The following PPARGC1A variants were observed in gnomAD, a reference collection of about 807,000 sequenced individuals.
PPARGC1A encodes the protein PPARG coactivator 1 alpha.
A neutral mutation model predicts 88.7 loss-of-function variants in PPARGC1A; 25 were observed. That is an observed-to-expected ratio of 0.28 (90% CI 0.21 to 0.39). PPARGC1A has a LOEUF of 0.39. PPARGC1A is among the 10% of genes least tolerant of loss of function. The pLI, the probability that PPARGC1A is intolerant of heterozygous loss-of-function variation, is 1.00. For missense variants in PPARGC1A, 880 were observed against 968.7 expected (o/e 0.91, Z 1.22); for synonymous variants, 363 against 355.6 (o/e 1.02, Z -0.24).
chr4:24,417,020 A>T, the PPARGC1A span, among the ~76,000 whole-genome samples: 1 of 136,072 alleles, frequency 7.3e-6, no homozygotes, highest in African/African-American at 2.8e-5. Context: ...ACAGAGCGAG[A>T]TTCCATCTCA....
Position 23,861,448 on chromosome 4 carries a change from A to T in PPARGC1A, c.234+23304T>A, listed in dbSNP as rs75679500. Among the ~76,000 whole-genome samples, 1,349 of 152,280 alleles carry T rather than the reference A, an allele frequency of 8.9e-3. 21 individuals carry two copies. Among genetic ancestry groups the T allele is most frequent in the African/African-American group, 0.031 (1,278 of 41,536 alleles). ...TTAAATGTCATTCATTCATTCCTTCATTCACCAGCTACTGAGTACCTTTTA... is the reference window on the plus strand; with the variant it reads ...TTAAATGTCATTCATTCATTCCTTCTTTCACCAGCTACTGAGTACCTTTTA... On this transcript the variant is annotated intron_variant, in intron 2 of 12. Coordinates refer to ENST00000264867, the MANE Select transcript of PPARGC1A (RefSeq NM_013261.5).
the PPARGC1A span, among the ~76,000 whole-genome samples, chr4:24,081,462 T>A: frequency 6.6e-6 from 1 of 152,124 alleles, no homozygotes; most frequent in East Asian, 1.9e-4. Context: ...CTGCAGCATA[T>A]CCCAGGCTTA....
chr4:24,037,611 C>T, the PPARGC1A span, among the ~76,000 whole-genome samples: 1 of 152,120 alleles, frequency 6.6e-6, no homozygotes, highest in African/African-American at 2.4e-5. Flanking sequence ...CAGGGCATCC[C>T]TTGTTGAATG....
At chr4:24,064,295 G>C in the PPARGC1A span, among the ~76,000 whole-genome samples, 4 of 152,190 alleles carry the variant, frequency 2.6e-5, no homozygotes, top group African/African-American at 9.7e-5. Flanking sequence ...TATAGCAAGT[G>C]GGTGCCTGTA....
At chr4:24,220,020 A>G in the PPARGC1A span, among the ~76,000 whole-genome samples, 2 of 152,232 alleles carry the variant, frequency 1.3e-5, no homozygotes, top group African/African-American at 2.4e-5. Flanking sequence ...GAACTTAAAC[A>G]AATCAGCAAG....
the PPARGC1A span, among the ~76,000 whole-genome samples, chr4:24,446,405 G>T: frequency 7.9e-5 from 12 of 152,104 alleles, no homozygotes; most frequent in South Asian, 2.5e-3. Flanking sequence ...CAAGTCTTTA[G>T]CCTGTTTTTT....
chr4:24,119,375 C>T, the PPARGC1A span, among the ~76,000 whole-genome samples: 1 of 152,090 alleles, frequency 6.6e-6, no homozygotes, highest in Non-Finnish European at 1.5e-5. Context: ...CCTGAAAGAC[C>T]TGGTGTTAGA....
Position 23,801,803 on chromosome 4 carries a change from C to T in PPARGC1A, c.2220G>A (p.Arg740=), listed in dbSNP as rs756099970. The change falls in exon 12 of 13, where the codon AGG becomes AGA. Residue 740 remains arginine (R), a synonymous_variant. Transcript: ENST00000264867. ...ACAGCTCAAAGTCAGTTTCGTTTGA[C>T]CTGCGCAAAGTGTATCCATTTTCAA... is the stretch of plus-strand genomic sequence containing the variant. ...AALENGYTLR[R]SNETDFELYF... 3 of 1,613,990 alleles carry T rather than the reference C, an allele frequency of 1.9e-6. No homozygotes were observed. Among genetic ancestry groups the T allele is most frequent in the African/African-American group, 2.7e-5 (2 of 75,032 alleles).
chr4:24,346,120 G>A, the PPARGC1A span, among the ~76,000 whole-genome samples: 2 of 152,094 alleles, frequency 1.3e-5, no homozygotes, highest in African/African-American at 4.8e-5. Context: ...CTGCGTCCCT[G>A]GTATGAAACC....
the PPARGC1A span, among the ~76,000 whole-genome samples, chr4:23,974,157 C>A: frequency 6.6e-6 from 1 of 151,950 alleles, no homozygotes; most frequent in Non-Finnish European, 1.5e-5. Context: ...TATTGAGAAT[C>A]CAATAATAAT....
chr4:24,434,873 A>G, the PPARGC1A span, among the ~76,000 whole-genome samples: 1 of 152,236 alleles, frequency 6.6e-6, no homozygotes, highest in Non-Finnish European at 1.5e-5. Context: ...GGGTGCTGTC[A>G]ATGACAGCTG....
intron 2 of PPARGC1A, among the ~76,000 whole-genome samples, chr4:23,874,688 G>A (rs1392812728): frequency 6.6e-6 from 1 of 152,182 alleles, no homozygotes; most frequent in Non-Finnish European, 1.5e-5. Flanking sequence ...AAGATTTCCA[G>A]AATGTCTGCA....
chr4:24,224,343 G>A, the PPARGC1A span, among the ~76,000 whole-genome samples: 1 of 152,212 alleles, frequency 6.6e-6, no homozygotes, highest in Non-Finnish European at 1.5e-5. Flanking sequence ...GGTTGCTGAG[G>A]AGATGGGAAA....
the PPARGC1A span, among the ~76,000 whole-genome samples, chr4:24,066,373 A>G: frequency 6.6e-6 from 1 of 152,176 alleles, no homozygotes; most frequent in Non-Finnish European, 1.5e-5. Flanking sequence ...ATATTGAAAA[A>G]TTTGCTTCAC....
intron 10 of PPARGC1A, among the ~76,000 whole-genome samples, chr4:23,807,961 A>G (rs1202890197): frequency 1.3e-5 from 2 of 152,164 alleles, no homozygotes; most frequent in African/African-American, 2.4e-5. Context: ...AGAGGCTTGC[A>G]TAGAAAGCTA....
At chr4:23,937,492 A>T in the PPARGC1A span, among the ~76,000 whole-genome samples, 1 of 152,070 alleles carries the variant, frequency 6.6e-6, no homozygotes, top group African/African-American at 2.4e-5. Context: ...TCTTTTCACT[A>T]GAAAATAAAA....
chr4:24,234,074 G>T, the PPARGC1A span, among the ~76,000 whole-genome samples: 1 of 152,160 alleles, frequency 6.6e-6, no homozygotes, highest in African/African-American at 2.4e-5. Context: ...AATCCAGTGC[G>T]GTTTAGAACT....
At chr4:24,305,602 T>C in the PPARGC1A span, among the ~76,000 whole-genome samples, 1 of 152,054 alleles carries the variant, frequency 6.6e-6, no homozygotes, top group Non-Finnish European at 1.5e-5. Flanking sequence ...CACCTGAAGT[T>C]GGGAGTTCGA....
chr4:24,339,034 A>C, the PPARGC1A span, among the ~76,000 whole-genome samples: 1 of 152,102 alleles, frequency 6.6e-6, no homozygotes, highest in East Asian at 1.9e-4. Flanking sequence ...CCACTAAAAA[A>C]TAAATTGCTA....
Sources: allele counts gnomAD v4.1 joint callset (sites outside exome capture counted in the v4.1 genomes callset), GRCh38; gene constraint gnomAD v4.1.1; transcripts MANE v1.5; gene names NCBI Gene and HGNC (gene_info 2026-07-23, HGNC 2026-07-21).